The following PARD6G variants were observed in gnomAD, a reference collection of about 807,000 sequenced individuals.
The protein encoded by PARD6G is partitioning defective 6 homolog gamma.
PARD6G carries 7 observed loss-of-function variants against 10.7 expected under a neutral mutation model. The ratio of observed to expected loss-of-function variants is 0.66; its 90% confidence interval spans 0.37 to 1.23. PARD6G has a LOEUF of 1.23. PARD6G is among the 50% of genes most tolerant of loss of function. The pLI, the probability that PARD6G is intolerant of heterozygous loss-of-function variation, is 0.02. For missense variants in PARD6G, 548 were observed against 571.8 expected, an observed-to-expected ratio of 0.96 and a Z score of 0.42; for synonymous variants, 287 against 269.4, an observed-to-expected ratio of 1.07 and a Z score of -0.64.
chr18:80,174,679 G>A (rs1043637692), intron 2 of PARD6G, among the ~76,000 whole-genome samples: 9 of 152,180 alleles, frequency 5.9e-5, no homozygotes, highest in African/African-American at 1.9e-4. Context: ...TGTAGGCTGG[G>A]TGCGGTGGCT....
chr18:80,197,936 C>G (rs1966973397), intron 2 of PARD6G, among the ~76,000 whole-genome samples: 1 of 152,238 alleles, frequency 6.6e-6, no homozygotes, highest in South Asian at 2.1e-4. Context: ...CTGGTAACTG[C>G]TGTTCTTCTC....
rs1405392359 is a variant in PARD6G at position 80,160,411 on chromosome 18, T to C, written c.491A>G (p.His164Arg). 9.4e-6 allele frequency: 15 copies of C among 1,599,198 alleles called. No individual in the cohort carries two copies. Among genetic ancestry groups the C allele is most frequent in the Non-Finnish European group, 1.3e-5 (15 of 1,173,396 alleles). Reference protein sequence around the residue: ...ETHRRVRLHRHGCEKPLGFYI... With the variant: ...ETHRRVRLHRRGCEKPLGFYI... ...GAAGCCCAGCGGCTTCTCGCAGCCG[T>C]GCCGGTGCAGCCGCACTCGCCGGTG... The change falls in exon 3 of 3, where the codon CAC becomes CGC. Residue 164 changes from histidine to arginine, a missense_variant. By Grantham distance (29) the His-to-Arg change is conservative. This residue lies in a region of PARD6G where 235 missense variants were observed against 291.9 expected (regional missense o/e 0.81). Coordinates refer to ENST00000353265, the MANE Select transcript of PARD6G (RefSeq NM_032510.4).
chr18:80,229,446 C>T (rs1599875007), intron 1 of PARD6G, among the ~76,000 whole-genome samples: 1 of 152,212 alleles, frequency 6.6e-6, no homozygotes, highest in African/African-American at 2.4e-5. Flanking sequence ...CCAAGGAAGT[C>T]AGGACCTCTG....
At chr18:80,168,769 C>A (rs2052754034) in intron 2 of PARD6G, 1 of 168,600 alleles carries the variant, frequency 5.9e-6, no homozygotes, top group Non-Finnish European at 1.5e-5. Context: ...AACCACCACA[C>A]CCAGCCGTCA....
intron 1 of PARD6G, among the ~76,000 whole-genome samples, chr18:80,205,679 C>T (rs1291784911): frequency 1.3e-5 from 2 of 152,198 alleles, no homozygotes; most frequent in African/African-American, 2.4e-5. Context: ...AGTAAAAGCT[C>T]CCTGAGGCCG....
chr18:80,184,085 C>G lies in PARD6G; in HGVS notation c.295+18625G>C, dbSNP rs1033414666. ...ACCAGACCCACCCCAATGCATTTGCCTCTGATGTGAGAAAGAAACACTAGG... is the reference window on the plus strand; with the variant it reads ...ACCAGACCCACCCCAATGCATTTGCGTCTGATGTGAGAAAGAAACACTAGG... On this transcript the variant is annotated intron_variant, in intron 2 of 2. Transcript: ENST00000353265. The surrounding 1 kb of genome is among the most constrained non-coding windows in gnomAD (Gnocchi z 4.5). The G allele has an allele frequency of 6.6e-6, 1 of 152,174 alleles. No individual in the cohort carries two copies. Among genetic ancestry groups the G allele is most frequent in the Non-Finnish European group, 1.5e-5 (1 of 68,034 alleles). 9.4% of individuals were successfully genotyped at this position (152,174 alleles called of 1,614,324 possible).
Position 80,183,007 on chromosome 18 carries a change from A to T in PARD6G, c.295+19703T>A, listed in dbSNP as rs1259643946. 3 of 675,956 alleles carry T rather than the reference A, an allele frequency of 4.4e-6. No individual in the cohort carries two copies. Among genetic ancestry groups the T allele is most frequent in the Non-Finnish European group, 8.1e-6 (3 of 370,200 alleles). 41.9% of individuals were successfully genotyped at this position (675,956 alleles called of 1,614,324 possible). On this transcript the variant is annotated intron_variant, in intron 2 of 2. Transcript: ENST00000353265. This position sits in a 1 kb window ranked among gnomAD's most constrained non-coding sequence, Gnocchi z 4.5. ...CTGACGTGGCTCCCAGTGGAATGAG[A>T]TGGCTGGGGTCTCATGAGGGGCCAG... is the stretch of plus-strand genomic sequence containing the variant.
At position 80,231,746 on chromosome 18, in the gene PARD6G, T is replaced by C. The variant is rs1228658428; in HGVS notation, c.72+15531A>G. On this transcript the variant is annotated intron_variant, in intron 1 of 2. Coordinates refer to ENST00000353265, the MANE Select transcript of PARD6G (RefSeq NM_032510.4). The surrounding 1 kb of genome is among the most constrained non-coding windows in gnomAD (Gnocchi z 4.2). The stretch of plus-strand genomic sequence containing the variant: ...CAGCCAATGGGAGCAATTCACTCGC[T>C]CAACTTGCTCACCAAGCTGTTTGTT... 6.6e-6 allele frequency among the ~76,000 whole-genome samples: 1 copy of C among 152,106 alleles called. No individual in the cohort carries two copies. Among genetic ancestry groups the C allele is most frequent in the Non-Finnish European group, 1.5e-5 (1 of 68,016 alleles).
intron 1 of PARD6G, among the ~76,000 whole-genome samples, chr18:80,216,498 T>C (rs1188609231): frequency 6.6e-6 from 1 of 151,986 alleles, no homozygotes; most frequent in Non-Finnish European, 1.5e-5. Flanking sequence ...AAGTGCTAAT[T>C]AAACATACCC....
intron 2 of PARD6G, among the ~76,000 whole-genome samples, chr18:80,195,580 T>TATATATATATATATGTATA (rs1217519591): frequency 7.4e-6 from 1 of 134,310 alleles, no homozygotes; most frequent in Non-Finnish European, 1.6e-5. Context: ...TATACACACA[T>TATATATATATATATGTATA]TTTTTTTTCT....
intron 2 of PARD6G, among the ~76,000 whole-genome samples, chr18:80,186,114 TCA>T (rs758680147): frequency 1.8e-5 from 2 of 108,658 alleles, no homozygotes; most frequent in Non-Finnish European, 3.6e-5. Context: ...TTGCACACCC[TCA>T]CACGCACCCA....
In PARD6G at chr18:80,159,607, T is replaced by TA; in HGVS notation, c.*163dup. On this transcript the variant is annotated 3_prime_UTR_variant, in exon 3 of 3. Transcript: ENST00000353265. ...TTTTAAGTTCTGTGGCGAAATTCTA[T>TA]AAAAATAGGCAATACTTGTGTTTTT... The TA allele has an allele frequency of 8.7e-7, 1 of 1,154,198 alleles. No homozygotes were observed. The highest frequency in any genetic ancestry group is 4.2e-5 in the Admixed American group (1 of 23,602). The allele number at this position is 1,154,198 out of a possible 1,614,324, so 71.5% of individuals were successfully genotyped here.
At chr18:80,218,726 T>G (rs1967197294) in intron 1 of PARD6G, among the ~76,000 whole-genome samples, 1 of 152,228 alleles carries the variant, frequency 6.6e-6, no homozygotes, top group African/African-American at 2.4e-5. Context: ...CACATTTCCC[T>G]TCCGCACTGC....
At position 80,203,634 on chromosome 18, in the gene PARD6G, T is replaced by G. The variant is rs906849041; in HGVS notation, c.73-702A>C. ...CCTCAGCAAGGTCCCTTGCCTCATCTGTGGTTGCTGAAGGGACATCTGCAC... is the reference window on the plus strand; with the variant it reads ...CCTCAGCAAGGTCCCTTGCCTCATCGGTGGTTGCTGAAGGGACATCTGCAC... On this transcript the variant is annotated intron_variant, in intron 1 of 2. Transcript: ENST00000353265. Among the ~76,000 whole-genome samples the G allele has an allele frequency of 4.6e-5, 7 of 152,218 alleles. No homozygotes were observed. In the South Asian group the frequency reaches 1.4e-3, roughly 32 times the overall value.
At position 80,177,330 on chromosome 18, in the gene PARD6G, GCACA is replaced by G. The variant is rs1019259888; in HGVS notation, c.296-16728_296-16725del. On this transcript the variant is annotated intron_variant, in intron 2 of 2. Transcript: ENST00000353265. ...ATAAATCACAGCCCAAATGGGAAGCGCACACACACACATACACACACATACACAT... is the reference window on the plus strand; with the variant it reads ...ATAAATCACAGCCCAAATGGGAAGCGCACACACATACACACACATACACAT... Among the ~76,000 whole-genome samples, 7 of 120,930 alleles carry G rather than the reference GCACA, an allele frequency of 5.8e-5. No homozygotes were observed. In the South Asian group the frequency reaches 1.4e-3, roughly 24 times the overall value. The allele number at this position is 120,930 out of a possible 152,430, so 79.3% of individuals were successfully genotyped here. A position where few individuals can be genotyped will look rare whatever the true frequency, so the allele number is the denominator to read the frequency against.
chr18:80,218,860 C>T (rs1355718866), intron 1 of PARD6G, among the ~76,000 whole-genome samples: 1 of 152,244 alleles, frequency 6.6e-6, no homozygotes, highest in Non-Finnish European at 1.5e-5. Context: ...TTGACTTCTG[C>T]ACACCCTCAG....
intron 1 of PARD6G, among the ~76,000 whole-genome samples, chr18:80,224,973 G>C (rs2145297142): frequency 6.6e-6 from 1 of 152,206 alleles, no homozygotes; most frequent in South Asian, 2.1e-4. Flanking sequence ...CCTGACTCTG[G>C]CCCAGTGCTC....
chr18:80,238,891 A>G (rs1385906310), intron 1 of PARD6G, among the ~76,000 whole-genome samples: 1 of 152,096 alleles, frequency 6.6e-6, no homozygotes, highest in Non-Finnish European at 1.5e-5. Context: ...GGTGACAGAT[A>G]GACTAGTAGT....
chr18:80,162,699 G>T, intron 2 of PARD6G: 1 of 167,878 alleles, frequency 6.0e-6, no homozygotes. Flanking sequence ...AACACCGTGA[G>T]ACTGGATGTG....
Sources: allele counts gnomAD v4.1 joint callset (sites outside exome capture counted in the v4.1 genomes callset), GRCh38; gene constraint gnomAD v4.1.1; regional missense constraint gnomAD v4.1.1; non-coding constraint Gnocchi (gnomAD v3.1); transcripts MANE v1.5; gene names NCBI Gene and HGNC (gene_info 2026-07-23, HGNC 2026-07-21).